Variants in CFAP47 observed in about 807,000 individuals in gnomAD.
CFAP47 encodes cilia and flagella associated protein 47.
A neutral mutation model predicts 148.1 loss-of-function variants in CFAP47; 29 were observed. The observed-to-expected ratio is 0.20, with a 90% confidence interval of 0.15 to 0.27. CFAP47 has a LOEUF of 0.27. CFAP47 is among the 10% of genes least tolerant of loss of function. The pLI, the probability that CFAP47 is intolerant of heterozygous loss-of-function variation, is 1.00. For missense variants in CFAP47, 1,872 were observed against 1,697.5 expected (o/e 1.10, Z -1.81); for synonymous variants, 664 against 577.3 (o/e 1.15, Z -2.15).
intron 15 of CFAP47, among the ~76,000 whole-genome samples, chrX:35,981,313 A>C (rs1472085515): frequency 9.3e-6 from 1 of 107,140 alleles, no homozygotes; most frequent in Non-Finnish European, 1.9e-5. Context: ...TCTAGCACTA[A>C]ATATGAAAAT....
At chrX:36,314,778 A>AGTATTTAAGAC (rs2146965085) in intron 56 of CFAP47, among the ~76,000 whole-genome samples, 1 of 112,158 alleles carries the variant, frequency 8.9e-6, no homozygotes, top group East Asian at 2.8e-4. Context: ...ATGCTAGGAT[A>AGTATTTAAGAC]TTGAAAAAGT....
intron 50 of CFAP47, among the ~76,000 whole-genome samples, chrX:36,283,145 G>T (rs954246551): frequency 2.7e-5 from 3 of 111,263 alleles, no homozygotes; most frequent in Non-Finnish European, 5.7e-5. Flanking sequence ...TTAAGTAGCT[G>T]TCATTTAGTC....
chrX:36,070,560 C>T (rs1158094503), intron 27 of CFAP47, among the ~76,000 whole-genome samples: 4 of 104,325 alleles, frequency 3.8e-5, no homozygotes, highest in Admixed American at 2.1e-4. Flanking sequence ...TGCAGTGGCA[C>T]AATCTCAGCT....
rs782234848 is a variant in CFAP47 at position 36,314,822 on chromosome X, C to A, written c.8344+3833C>A. On this transcript the variant is annotated intron_variant, in intron 56 of 63. Transcript: ENST00000378653. ...CTATCATAAGGAATCCAACTTTTAT[C>A]CTTTAGATAATGAGAGTTTTCAAAA... 7.2e-5 allele frequency among the ~76,000 whole-genome samples: 8 copies of A among 111,538 alleles called. No individual in the cohort carries two copies. The East Asian group carries it at 2.0e-3, about 28-fold the overall frequency.
chrX:36,071,987 A>G lies in CFAP47; in HGVS notation c.4465+16A>G. ...TTATTTATTGGTATGTAGCAAATAT[A>G]TAGTGTACTTTCCAAAATTAGTCCA... On this transcript the variant is annotated intron_variant, in intron 28 of 63. Transcript: ENST00000378653. 8.6e-7 allele frequency: 1 copy of G among 1,161,807 alleles called. No individual in the cohort carries two copies. The highest frequency in any genetic ancestry group is 1.2e-6 in the Non-Finnish European group (1 of 864,507).
At chrX:36,032,262 A>G (rs937348530) in intron 23 of CFAP47, among the ~76,000 whole-genome samples, 21 of 110,473 alleles carry the variant, frequency 1.9e-4, no homozygotes, top group African/African-American at 6.5e-4. Flanking sequence ...AGACACCAAT[A>G]GCATTCTCTC....
At chrX:36,342,827 C>G (rs1431599447) in intron 57 of CFAP47, among the ~76,000 whole-genome samples, 2 of 111,404 alleles carry the variant, frequency 1.8e-5, no homozygotes, top group Non-Finnish European at 3.8e-5. Context: ...TTCTGGGATA[C>G]ATGTGCTGAA....
Position 36,285,718 on chromosome X carries a change from A to G in CFAP47, c.7678A>G (p.Ile2560Val). The G allele has an allele frequency of 1.7e-6, 2 of 1,154,636 alleles. No homozygotes were observed. Among genetic ancestry groups the G allele is most frequent in the Non-Finnish European group, 2.3e-6 (2 of 862,914 alleles). ...CATAGAGATTATGGAAATGACATGT[A>G]TTGCTCTGGTAAGTGCCCATTGCAT... is the stretch of plus-strand genomic sequence containing the variant. ...PPIEIMEMTCIALDSTCIEIP... is the reference protein window; with the variant it reads ...PPIEIMEMTCVALDSTCIEIP... Residue 2560 changes from isoleucine to valine, a missense_variant, in exon 51 of 64, where the codon ATT (isoleucine) becomes GTT (valine). Transcript: ENST00000378653.
intron 26 of CFAP47, among the ~76,000 whole-genome samples, chrX:36,060,112 T>C (rs1937582424): frequency 9.0e-6 from 1 of 111,653 alleles, no homozygotes; most frequent in Admixed American, 9.6e-5. Context: ...CCATGAGCCA[T>C]ATAAATCTCT....
intron 39 of CFAP47, among the ~76,000 whole-genome samples, chrX:36,168,942 TCTTTA>T (rs1158588578): frequency 8.9e-6 from 1 of 112,330 alleles, no homozygotes; most frequent in Non-Finnish European, 1.9e-5. Flanking sequence ...TTTTAGTTAT[TCTTTA>T]CTTTAGAATA....
intron 33 of CFAP47, among the ~76,000 whole-genome samples, chrX:36,131,023 G>A (rs1938938706): frequency 9.1e-6 from 1 of 110,157 alleles, no homozygotes; most frequent in East Asian, 2.9e-4. Context: ...AGCACAGCAG[G>A]GTGATTATAG....
intron 8 of CFAP47, among the ~76,000 whole-genome samples, chrX:35,963,910 T>C (rs182299089): frequency 2.2e-3 from 249 of 111,520 alleles, no homozygotes; most frequent in Non-Finnish European, 4.1e-3. Flanking sequence ...ACAAATAATA[T>C]GTGTTTATTC....
rs942545456 is a variant in CFAP47 at position 36,075,462 on chromosome X, G to A, written c.4691+2098G>A. ...AGGCTGGTCTAGAACTCCTGACCTC[G>A]TGATCCACCTGCCTTGGCATCCCAA... On this transcript the variant is annotated intron_variant, in intron 29 of 63. Coordinates refer to ENST00000378653, the MANE Select transcript of CFAP47 (RefSeq NM_001304548.2). Among the ~76,000 whole-genome samples the A allele has an allele frequency of 9.9e-5, 11 of 111,473 alleles. No individual in the cohort carries two copies. The East Asian group carries it at 2.5e-3, about 26-fold the overall frequency.
At position 36,381,491 on chromosome X, in the gene CFAP47, C is replaced by T. The variant is rs143925238; in HGVS notation, c.9354+1973C>T. Among the ~76,000 whole-genome samples the T allele has an allele frequency of 5.7e-3, 641 of 111,662 alleles. 1 individual carries two copies. The highest frequency in any genetic ancestry group is 8.7e-3 in the Non-Finnish European group (462 of 53,114). On this transcript the variant is annotated intron_variant, in intron 63 of 63. Coordinates refer to ENST00000378653, the MANE Select transcript of CFAP47 (RefSeq NM_001304548.2). ...AAATAAAAATGATGATTTTAAAGAA[C>T]GTGTTAATTAAATATTAGCCCAAAC...
At position 35,948,428 on chromosome X, in the gene CFAP47, C is replaced by A; in HGVS notation, c.632C>A (p.Pro211Gln). The change falls in exon 4 of 64, where the codon CCA (proline) becomes CAA (glutamine). Residue 211 changes from proline (P) to glutamine (Q), a missense_variant. Physicochemically the swap from Pro to Gln is moderately conservative, Grantham distance 76. Transcript: ENST00000378653. ...VIKVDFCADQ[P>Q]RIVDEEAIVI... ...AAAGTAGATTTCTGTGCAGACCAGC[C>A]AAGAATTGTAGATGAAGAGGCAATG... The A allele has an allele frequency of 8.3e-7, 1 of 1,202,683 alleles. No homozygotes were observed. The highest frequency in any genetic ancestry group is 1.1e-6 in the Non-Finnish European group (1 of 888,275).
rs1555994735 is a variant in CFAP47 at position 36,236,725 on chromosome X, C to T, written c.7198C>T (p.His2400Tyr). Residue 2400 changes from histidine (H) to tyrosine (Y), a missense_variant, in exon 48 of 64, where the codon CAC (histidine) becomes TAC (tyrosine). By Grantham distance (83) the His-to-Tyr change is moderately conservative. Coordinates refer to ENST00000378653, the MANE Select transcript of CFAP47 (RefSeq NM_001304548.2). ...ACAAAATGAAGTAGATGGTAGGGAG[C>T]ACATCTTTGACATAAAAGGGGTTGG... ...ILQNEVDGRE[H>Y]IFDIKGVGKK... is the part of the protein sequence containing the mutation. The T allele has an allele frequency of 3.8e-6, 2 of 523,463 alleles. No individual in the cohort carries two copies. Among genetic ancestry groups the T allele is most frequent in the Non-Finnish European group, 7.0e-6 (2 of 286,435 alleles). 43.1% of individuals were successfully genotyped at this position (523,463 alleles called of 1,213,427 possible).
At position 36,048,322 on chromosome X, in the gene CFAP47, C is replaced by G. The variant is rs936837812; in HGVS notation, c.4217+1259C>G. Among the ~76,000 whole-genome samples the G allele has an allele frequency of 6.3e-5, 7 of 111,786 alleles. No homozygotes were observed. In the Admixed American group the frequency reaches 6.7e-4, roughly 11 times the overall value. On this transcript the variant is annotated intron_variant, in intron 26 of 63. Coordinates refer to ENST00000378653, the MANE Select transcript of CFAP47 (RefSeq NM_001304548.2). Reference sequence around the variant, plus strand: ...ATTTAGGTAAAGAAAGGGGGCAAATCCTTGATGGATGTCAGTGTGTTAGGT... The same window carrying G: ...ATTTAGGTAAAGAAAGGGGGCAAATGCTTGATGGATGTCAGTGTGTTAGGT...
chrX:36,164,013 G>C (rs1237423421), intron 39 of CFAP47, among the ~76,000 whole-genome samples: 1 of 111,789 alleles, frequency 8.9e-6, no homozygotes, highest in East Asian at 2.8e-4. Flanking sequence ...CAACTTTTCT[G>C]TCACTAATTT....
At chrX:36,225,453 C>T (rs905511959) in intron 45 of CFAP47, among the ~76,000 whole-genome samples, 1 of 111,294 alleles carries the variant, frequency 9.0e-6, no homozygotes, top group East Asian at 2.8e-4. Context: ...CTTCTTTCAA[C>T]TCTTACATGC....
Sources: allele counts gnomAD v4.1 joint callset (sites outside exome capture counted in the v4.1 genomes callset), GRCh38; gene constraint gnomAD v4.1.1; transcripts MANE v1.5; gene names NCBI Gene and HGNC (gene_info 2026-07-23, HGNC 2026-07-21).